The following PPM1K variants were observed in gnomAD, a reference collection of about 807,000 sequenced individuals.
The protein encoded by PPM1K is protein phosphatase Mn(2+)-dependent 1K.
PPM1K carries 19 observed loss-of-function variants against 32.6 expected under a neutral mutation model. The ratio of observed to expected loss-of-function variants is 0.58; its 90% confidence interval spans 0.41 to 0.86. The LOEUF (loss-of-function observed/expected upper bound fraction) is 0.86. PPM1K is among the 40% of genes least tolerant of loss of function. The pLI is 0.00. For missense variants in PPM1K, 362 were observed against 461.2 expected (o/e 0.78, Z 1.97); for synonymous variants, 159 against 165.3 (o/e 0.96, Z 0.29).
chr4:88,283,100 C>G (rs1316679472), intron 1 of PPM1K, among the ~76,000 whole-genome samples: 1 of 152,220 alleles, frequency 6.6e-6, no homozygotes, highest in Non-Finnish European at 1.5e-5. Flanking sequence ...AACCAGAACA[C>G]CACAAACCAT....
intron 2 of PPM1K, 193 bp from the exon 3 acceptor site, chr4:88,277,436 G>A: frequency 1.9e-6 from 1 of 519,786 alleles, no homozygotes; most frequent in Non-Finnish European, 3.4e-6. Context: ...GCTTTTAAGG[G>A]CACAACAATG....
In PPM1K at chr4:88,260,968, C is replaced by A. The variant is rs574013394; in HGVS notation, c.*1627G>T. On this transcript the variant is annotated 3_prime_UTR_variant, in exon 7 of 7. Coordinates refer to ENST00000608933, the MANE Select transcript of PPM1K (RefSeq NM_152542.5). ...CTGGGTCTCCACTATAAGAAAATTG[C>A]CCCTAGTTTGTCAAGAGTCCTTAAA... 6.6e-6 allele frequency: 1 copy of A among 152,166 alleles called. No homozygotes were observed. The highest frequency in any genetic ancestry group is 2.1e-4 in the South Asian group (1 of 4,816). The allele number at this position is 152,166 out of a possible 1,614,324, so 9.4% of individuals were successfully genotyped here.
intron 5 of PPM1K, among the ~76,000 whole-genome samples, chr4:88,267,015 GTTGA>G (rs1166766809): frequency 3.4e-5 from 5 of 148,550 alleles, no homozygotes; most frequent in African/African-American, 9.9e-5. Flanking sequence ...GGTGATGCTG[GTTGA>G]TTGGGTGCAG....
Position 88,278,805 on chromosome 4 carries a change from A to G in PPM1K, c.-59-163T>C. On this transcript the variant is annotated intron_variant, in intron 1 of 6. Transcript: ENST00000608933. This position sits in a 1 kb window ranked among gnomAD's most constrained non-coding sequence, Gnocchi z 4.2. Reference sequence around the variant, plus strand: ...GCTCATAAAGGATTTGACAGAAAATACATATATTTATGTTATATATTGGGT... The same window carrying G: ...GCTCATAAAGGATTTGACAGAAAATGCATATATTTATGTTATATATTGGGT... 1 of 529,134 alleles carries G rather than the reference A, an allele frequency of 1.9e-6. No homozygotes were observed. The highest frequency in any genetic ancestry group is 3.3e-6 in the Non-Finnish European group (1 of 299,338). The allele number at this position is 529,134 out of a possible 1,614,324, so 32.8% of individuals were successfully genotyped here.
intron 5 of PPM1K, among the ~76,000 whole-genome samples, chr4:88,266,239 T>C (rs1046469996): frequency 6.6e-6 from 1 of 152,218 alleles, no homozygotes; most frequent in African/African-American, 2.4e-5. Context: ...TGTCAGCTCA[T>C]GGACTGGGTG....
At chr4:88,283,941 C>T (rs2110178881) in intron 1 of PPM1K, 1 of 152,478 alleles carries the variant, frequency 6.6e-6, no homozygotes, top group Non-Finnish European at 1.5e-5. Context: ...CAACCTCCCT[C>T]TGGGCGTACC....
At chr4:88,273,807 C>T (rs1731657481) in intron 3 of PPM1K, among the ~76,000 whole-genome samples, 2 of 152,128 alleles carry the variant, frequency 1.3e-5, no homozygotes, top group Admixed American at 1.3e-4. Context: ...GGTAGAGAAC[C>T]CATCTGCATA....
At position 88,258,262 on chromosome 4, in the gene PPM1K, A is replaced by G. The variant is rs1321427687; in HGVS notation, c.*4333T>C. The G allele has an allele frequency of 6.6e-6, 1 of 152,094 alleles. No individual in the cohort carries two copies. The highest frequency in any genetic ancestry group is 1.5e-5 in the Non-Finnish European group (1 of 68,008). 9.4% of individuals were successfully genotyped at this position (152,094 alleles called of 1,614,324 possible). A position where few individuals can be genotyped will look rare whatever the true frequency, so the allele number is the denominator to read the frequency against. On this transcript the variant is annotated 3_prime_UTR_variant, in exon 7 of 7. Transcript: ENST00000608933. ...TGTCTGTTCTAAGGAAAGAAACTAA[A>G]TGTCCTGTTTGATATTGATGAGTAG...
rs1199907363 is a variant in PPM1K at position 88,261,991 on chromosome 4, G to GTC, written c.*603_*604insGA. 6.7e-6 allele frequency: 1 copy of GTC among 149,732 alleles called. No individual in the cohort carries two copies. Among genetic ancestry groups the GTC allele is most frequent in the African/African-American group, 2.5e-5 (1 of 40,568 alleles). 9.3% of individuals were successfully genotyped at this position (149,732 alleles called of 1,614,324 possible). On this transcript the variant is annotated 3_prime_UTR_variant, in exon 7 of 7. Coordinates refer to ENST00000608933, the MANE Select transcript of PPM1K (RefSeq NM_152542.5). Reference sequence around the variant, plus strand: ...CCACCTTGGCCTCTCAAAGTGCTGGGATTACAGGCATGAGCCACTGTGCCT... The same window carrying GTC: ...CCACCTTGGCCTCTCAAAGTGCTGGGTCATTACAGGCATGAGCCACTGTGCCT...
chr4:88,275,563 G>A, intron 3 of PPM1K: 1 of 985,410 alleles, frequency 1.0e-6, no homozygotes, highest in Non-Finnish European at 1.2e-6. Flanking sequence ...GAAGGCCAAT[G>A]TTTTTGGTTG....
chr4:88,282,923 G>A (rs1189923583), intron 1 of PPM1K, among the ~76,000 whole-genome samples: 3 of 151,960 alleles, frequency 2.0e-5, no homozygotes, highest in Admixed American at 1.3e-4. Context: ...TTCTTTCCTC[G>A]TCTCTAAGGA....
chr4:88,262,525 T>G lies in PPM1K; in HGVS notation c.*70A>C, dbSNP rs1202620964. ...GATCTAGTGAGTTAGGAGACCTTTT[T>G]GATCTTATCAGTTTCTTGACATGCT... On this transcript the variant is annotated 3_prime_UTR_variant, in exon 7 of 7. Transcript: ENST00000608933. 3 of 1,565,928 alleles carry G rather than the reference T, an allele frequency of 1.9e-6. No homozygotes were observed. Among genetic ancestry groups the G allele is most frequent in the Non-Finnish European group, 2.6e-6 (3 of 1,153,686 alleles).
At chr4:88,269,226 T>G (rs1470728357) in intron 3 of PPM1K, among the ~76,000 whole-genome samples, 1 of 152,182 alleles carries the variant, frequency 6.6e-6, no homozygotes, top group Non-Finnish European at 1.5e-5. Flanking sequence ...AACACCTTCA[T>G]GGATATCTGG....
chr4:88,268,381 G>T, intron 4 of PPM1K, 47 bp from the exon 5 acceptor site: 1 of 1,605,542 alleles, frequency 6.2e-7, no homozygotes, highest in Non-Finnish European at 8.5e-7. Context: ...AAAACCCTTT[G>T]GGAGGCCAAG....
Position 88,262,193 on chromosome 4 carries a change from T to C in PPM1K, c.*402A>G, listed in dbSNP as rs538622592. 2.0e-5 allele frequency: 3 copies of C among 153,812 alleles called. No homozygotes were observed. Among genetic ancestry groups the C allele is most frequent in the African/African-American group, 7.2e-5 (3 of 41,612 alleles). The allele number at this position is 153,812 out of a possible 1,614,324, so 9.5% of individuals were successfully genotyped here. ...AATTTTTTTAAACTTGGAGATCACATATTGAATAGCTGTCAAAATTCAAAC... is the reference window on the plus strand; with the variant it reads ...AATTTTTTTAAACTTGGAGATCACACATTGAATAGCTGTCAAAATTCAAAC... On this transcript the variant is annotated 3_prime_UTR_variant, in exon 7 of 7. Coordinates refer to ENST00000608933, the MANE Select transcript of PPM1K (RefSeq NM_152542.5).
intron 3 of PPM1K, among the ~76,000 whole-genome samples, chr4:88,274,587 T>C (rs1348731804): frequency 1.3e-5 from 2 of 152,160 alleles, no homozygotes; most frequent in Non-Finnish European, 2.9e-5. Context: ...TACTACAAAA[T>C]TTTGTTTCAC....
chr4:88,278,518 C>G lies in PPM1K; in HGVS notation c.66G>C (p.Leu22=). 6.2e-7 allele frequency: 1 copy of G among 1,614,140 alleles called. No individual in the cohort carries two copies. Among genetic ancestry groups the G allele is most frequent in the Non-Finnish European group, 8.5e-7 (1 of 1,180,012 alleles). The change falls in exon 2 of 7, where the codon CTG becomes CTC. Residue 22 remains leucine, a synonymous_variant. Coordinates refer to ENST00000608933, the MANE Select transcript of PPM1K (RefSeq NM_152542.5). This position sits in a 1 kb window ranked among gnomAD's most constrained non-coding sequence, Gnocchi z 4.2. Reference sequence around the variant, plus strand: ...CGTCCTGCAGCAGGCGGGAGCTTAGCAGCACTCTCCTTCTCACCTGGTTCC... The same window carrying G: ...CGTCCTGCAGCAGGCGGGAGCTTAGGAGCACTCTCCTTCTCACCTGGTTCC... ...SGGNQVRRRV[L]LSSRLLQDDR...
In PPM1K at chr4:88,262,833, A is replaced by G. The variant is rs969664187; in HGVS notation, c.988-107T>C. On this transcript the variant is annotated intron_variant, in intron 6 of 6. Transcript: ENST00000608933. The stretch of plus-strand genomic sequence containing the variant: ...GAAATACGCTTCCCCTAGAAAGCCA[A>G]ACTGGTCTTATGTGCAGTTACTAAC... 7.0e-6 allele frequency: 9 copies of G among 1,289,964 alleles called. No individual in the cohort carries two copies. The African/African-American group carries it at 1.2e-4, about 17-fold the overall frequency. 79.9% of individuals were successfully genotyped at this position (1,289,964 alleles called of 1,614,324 possible).
Position 88,258,385 on chromosome 4 carries a change from T to C in PPM1K, c.*4210A>G, listed in dbSNP as rs1399102488. ...GGGCACAGTGCTGTAATCCCAGCAA[T>C]TTGGGAGGCCGAGGCAGGTGGATCA... On this transcript the variant is annotated 3_prime_UTR_variant, in exon 7 of 7. Coordinates refer to ENST00000608933, the MANE Select transcript of PPM1K (RefSeq NM_152542.5). 6.6e-6 allele frequency: 1 copy of C among 152,112 alleles called. No homozygotes were observed. The highest frequency in any genetic ancestry group is 1.5e-5 in the Non-Finnish European group (1 of 68,028). The allele number at this position is 152,112 out of a possible 1,614,324, so 9.4% of individuals were successfully genotyped here. A position where few individuals can be genotyped will look rare whatever the true frequency, so the allele number is the denominator to read the frequency against.
Sources: gnomAD v4.1 joint callset for allele counts (sites outside exome capture counted in the v4.1 genomes callset) on GRCh38, gnomAD v4.1.1 for gene constraint, Gnocchi (gnomAD v3.1) non-coding constraint, MANE v1.5 for transcripts, NCBI Gene and HGNC (gene_info 2026-07-23, HGNC 2026-07-21) for gene names.